Variants in PTPRN2 observed in about 807,000 individuals in gnomAD.
PTPRN2 encodes protein tyrosine phosphatase receptor type N2, also known as receptor-type tyrosine-protein phosphatase N2.
A neutral mutation model predicts 118.8 loss-of-function variants in PTPRN2; 74 were observed. That is an observed-to-expected ratio of 0.62 (90% CI 0.52 to 0.76). The LOEUF (loss-of-function observed/expected upper bound fraction) is 0.76, where lower values mean the gene tolerates loss of function less well. Ranked by LOEUF, PTPRN2 falls within the 30% of genes least tolerant of loss-of-function variation. The pLI, the probability that PTPRN2 is intolerant of heterozygous loss-of-function variation, is 0.00. For missense variants in PTPRN2, 1,481 were observed against 1,394.4 expected, an observed-to-expected ratio of 1.06 and a Z score of -0.99; for synonymous variants, 641 against 608.0, an observed-to-expected ratio of 1.05 and a Z score of -0.80.
intron 2 of PTPRN2, among the ~76,000 whole-genome samples, chr7:158,331,263 C>G (rs1804373275): frequency 6.7e-6 from 1 of 149,612 alleles, no homozygotes; most frequent in Admixed American, 6.7e-5. Context: ...ACACTCTCAC[C>G]ATAAGAGCTG....
chr7:157,767,314 A>C (rs975927244), intron 12 of PTPRN2, among the ~76,000 whole-genome samples: 3 of 152,178 alleles, frequency 2.0e-5, no homozygotes, highest in Non-Finnish European at 2.9e-5. Flanking sequence ...GCTTCTGAAC[A>C]AGAAGGAGGG....
intron 12 of PTPRN2, among the ~76,000 whole-genome samples, chr7:157,839,252 G>T (rs1808196728): frequency 6.6e-6 from 1 of 152,240 alleles, no homozygotes; most frequent in South Asian, 2.1e-4. Context: ...ATGTGTATCT[G>T]AGTGTGTTTG....
At chr7:157,858,048 C>A (rs188387387) in intron 12 of PTPRN2, among the ~76,000 whole-genome samples, 214 of 152,002 alleles carry the variant, frequency 1.4e-3, no homozygotes, top group African/African-American at 4.9e-3. Context: ...GTCAGCCCCC[C>A]AGCTACCACC....
intron 12 of PTPRN2, among the ~76,000 whole-genome samples, chr7:157,761,739 A>G (rs1214822773): frequency 6.7e-6 from 1 of 149,234 alleles, no homozygotes; most frequent in Non-Finnish European, 1.5e-5. Context: ...CAGAAGACAA[A>G]ATTGACCAAT....
At chr7:158,266,005 G>A (rs570294527) in intron 3 of PTPRN2, among the ~76,000 whole-genome samples, 12 of 152,362 alleles carry the variant, frequency 7.9e-5, no homozygotes, top group African/African-American at 2.6e-4. Context: ...CTGGTCTGGA[G>A]GACCAGTGGG....
intron 1 of PTPRN2, among the ~76,000 whole-genome samples, chr7:158,549,571 G>A (rs1385954051): frequency 6.6e-6 from 1 of 152,290 alleles, no homozygotes; most frequent in Non-Finnish European, 1.5e-5. Context: ...AAGTCCTGCG[G>A]AGGCTGGGCT....
intron 2 of PTPRN2, among the ~76,000 whole-genome samples, chr7:158,464,513 A>G (rs1203701002): frequency 6.8e-6 from 1 of 147,102 alleles, no homozygotes; most frequent in Non-Finnish European, 1.5e-5. Flanking sequence ...ATCCTTCATC[A>G]TCACCATCAT....
intron 2 of PTPRN2, among the ~76,000 whole-genome samples, chr7:158,414,222 G>A (rs1368810870): frequency 6.6e-6 from 1 of 152,118 alleles, no homozygotes; most frequent in Admixed American, 6.5e-5. Context: ...CCATAGCAGA[G>A]CTCTCCCGAT....
In PTPRN2 at chr7:158,441,585, G is replaced by GGCA. The variant is rs1427277517; in HGVS notation, c.163+48149_163+48150insTGC. Reference sequence around the variant, plus strand: ...TGATAGTGATGGTGATGGCAGTGGTGGTGGTGGTGATAGTGATGGTGATGG... The same window carrying GGCA: ...TGATAGTGATGGTGATGGCAGTGGTGGCAGTGGTGGTGATAGTGATGGTGATGG... On this transcript the variant is annotated intron_variant, in intron 2 of 22. Coordinates refer to ENST00000389418, the MANE Select transcript of PTPRN2 (RefSeq NM_002847.5). 8.9e-5 allele frequency among the ~76,000 whole-genome samples: 13 copies of GGCA among 146,236 alleles called. No individual in the cohort carries two copies. The East Asian group carries it at 9.9e-4, about 11-fold the overall frequency.
chr7:158,200,105 C>T (rs924728469), intron 4 of PTPRN2, among the ~76,000 whole-genome samples: 2 of 152,184 alleles, frequency 1.3e-5, no homozygotes, highest in African/African-American at 4.8e-5. Context: ...ACAGAGGAAT[C>T]AGTCCCCTTG....
chr7:158,334,407 G>A (rs1805157415), intron 2 of PTPRN2, among the ~76,000 whole-genome samples: 1 of 44,238 alleles, frequency 2.3e-5, no homozygotes, highest in Non-Finnish European at 4.4e-5. Context: ...CACCATAAGA[G>A]GTGAAACCTG....
chr7:157,569,591 C>T (rs1294007569), intron 20 of PTPRN2, among the ~76,000 whole-genome samples: 1 of 152,240 alleles, frequency 6.6e-6, no homozygotes. Context: ...TATTTACCAT[C>T]TGGGCTAGAG....
chr7:158,210,199 G>T (rs996024354), intron 3 of PTPRN2, among the ~76,000 whole-genome samples: 8 of 145,690 alleles, frequency 5.5e-5, no homozygotes, highest in African/African-American at 1.8e-4. Flanking sequence ...GCAGTGGCGC[G>T]ATCTCGGCTC....
intron 2 of PTPRN2, among the ~76,000 whole-genome samples, chr7:158,467,660 T>C (rs1819490987): frequency 6.6e-6 from 1 of 152,144 alleles, no homozygotes; most frequent in Non-Finnish European, 1.5e-5. Context: ...TTCTTTTGAG[T>C]GTGGATGTCC....
chr7:157,875,207 CAA>C (rs775037169), intron 12 of PTPRN2, among the ~76,000 whole-genome samples: 1 of 152,202 alleles, frequency 6.6e-6, no homozygotes, highest in Admixed American at 6.5e-5. Flanking sequence ...AATTTTGCTG[CAA>C]AGTTTTCCTA....
At chr7:158,333,765 G>A (rs535673389) in intron 2 of PTPRN2, among the ~76,000 whole-genome samples, 80 of 141,488 alleles carry the variant, frequency 5.7e-4, no homozygotes, top group African/African-American at 1.6e-3. Context: ...GCTGACACCC[G>A]CAGACATCAC....
At chr7:157,939,484 G>A (rs1799915826) in intron 11 of PTPRN2, among the ~76,000 whole-genome samples, 1 of 152,274 alleles carries the variant, frequency 6.6e-6, no homozygotes, top group Non-Finnish European at 1.5e-5. Flanking sequence ...TCTCAGTGCT[G>A]TGTGTTGTGG....
intron 2 of PTPRN2, among the ~76,000 whole-genome samples, chr7:158,341,766 A>ACG (rs1291603224): frequency 4.9e-5 from 7 of 142,840 alleles, no homozygotes; most frequent in African/African-American, 1.4e-4. Context: ...TCACCATAAG[A>ACG]GCTGACACCT....
intron 6 of PTPRN2, among the ~76,000 whole-genome samples, chr7:158,139,896 C>T (rs1563495665): frequency 6.6e-6 from 1 of 152,068 alleles, no homozygotes; most frequent in Admixed American, 6.6e-5. Context: ...ATGACAATAT[C>T]CTTCAAACGA....
Sources: allele counts gnomAD v4.1 joint callset (sites outside exome capture counted in the v4.1 genomes callset), GRCh38; gene constraint gnomAD v4.1.1; transcripts MANE v1.5; gene names NCBI Gene and HGNC (gene_info 2026-07-23, HGNC 2026-07-21).